CHSY3: variants seen among roughly 807,000 people sequenced by gnomAD.
CHSY3 encodes N-acetylgalactosaminyl-proteoglycan 3-beta-glucuronosyltransferase 3.
CHSY3 carries 35 observed loss-of-function variants against 67.2 expected under a neutral mutation model. That is an observed-to-expected ratio of 0.52 (90% confidence interval 0.40 to 0.69). The LOEUF (loss-of-function observed/expected upper bound fraction) is 0.69, where lower values mean the gene tolerates loss of function less well. CHSY3 is among the 30% of genes least tolerant of loss of function. The pLI, the probability that CHSY3 is intolerant of heterozygous loss-of-function variation, is 0.00. For missense variants in CHSY3, 1,069 were observed against 1,138.5 expected (o/e 0.94, Z 0.88); for synonymous variants, 474 against 434.7 (o/e 1.09, Z -1.12).
At chr5:129,966,310 C>A (rs1762466394) in intron 2 of CHSY3, among the ~76,000 whole-genome samples, 1 of 151,764 alleles carries the variant, frequency 6.6e-6, no homozygotes, top group South Asian at 2.1e-4. Flanking sequence ...GAAAATAAGG[C>A]CGCATTTTCA....
chr5:130,143,730 G>GTATA (rs1285066017), intron 2 of CHSY3, among the ~76,000 whole-genome samples: 23 of 104,522 alleles, frequency 2.2e-4, no homozygotes, highest in African/African-American at 8.2e-4. Flanking sequence ...ATGTGTGTGT[G>GTATA]TGTGTATATA....
intron 2 of CHSY3, among the ~76,000 whole-genome samples, chr5:130,110,273 A>G (rs148890108): frequency 6.6e-6 from 1 of 151,920 alleles, no homozygotes; most frequent in African/African-American, 2.4e-5. Context: ...AAATTTGACT[A>G]AAGCTTTGCC....
At chr5:130,112,717 G>A (rs183798079) in intron 2 of CHSY3, among the ~76,000 whole-genome samples, 1 of 152,218 alleles carries the variant, frequency 6.6e-6, no homozygotes, top group Admixed American at 6.5e-5. Context: ...TGATGAATCT[G>A]TGTGTAAAAT....
intron 2 of CHSY3, among the ~76,000 whole-genome samples, chr5:130,130,189 A>G (rs925370457): frequency 6.6e-6 from 1 of 152,128 alleles, no homozygotes; most frequent in Non-Finnish European, 1.5e-5. Context: ...TACTGCCAGT[A>G]AATATTCCCC....
intron 2 of CHSY3, among the ~76,000 whole-genome samples, chr5:129,992,201 G>C (rs1763389266): frequency 6.6e-6 from 1 of 152,058 alleles, no homozygotes; most frequent in African/African-American, 2.4e-5. Context: ...ATACACTTTT[G>C]CTAAGGCACA....
At chr5:130,030,764 T>C (rs1181645612) in intron 2 of CHSY3, among the ~76,000 whole-genome samples, 1 of 152,114 alleles carries the variant, frequency 6.6e-6, no homozygotes, top group Non-Finnish European at 1.5e-5. Context: ...TTTAAGAGCT[T>C]TGGGGGCTTT....
chr5:130,007,168 G>A (rs908582901), intron 2 of CHSY3, among the ~76,000 whole-genome samples: 1 of 152,132 alleles, frequency 6.6e-6, no homozygotes, highest in Admixed American at 6.5e-5. Flanking sequence ...ACTGTTCTAA[G>A]ATTCTATCCA....
intron 2 of CHSY3, among the ~76,000 whole-genome samples, chr5:129,908,912 C>T (rs530728053): frequency 5.9e-5 from 9 of 152,182 alleles, no homozygotes; most frequent in Non-Finnish European, 1.3e-4. Flanking sequence ...TCACAAAATT[C>T]CAATCACTGT....
chr5:130,167,979 A>C (rs1239447088), intron 2 of CHSY3, among the ~76,000 whole-genome samples: 1 of 152,126 alleles, frequency 6.6e-6, no homozygotes, highest in East Asian at 1.9e-4. Flanking sequence ...CTGTGACTCC[A>C]GAAAGGGAAT....
chr5:130,028,013 T>C (rs1386683665), intron 2 of CHSY3, among the ~76,000 whole-genome samples: 1 of 152,132 alleles, frequency 6.6e-6, no homozygotes, highest in Non-Finnish European at 1.5e-5. Flanking sequence ...GGTCAAATGG[T>C]ATTTCTAGTT....
In CHSY3 at chr5:129,992,423, T is replaced by C. The variant is rs138786456; in HGVS notation, c.1086+84063T>C. Reference sequence around the variant, plus strand: ...TTTTCAGTTAGGAATCATACACTACTGAATTATTGCTCTTTTTAATTACCA... The same window carrying C: ...TTTTCAGTTAGGAATCATACACTACCGAATTATTGCTCTTTTTAATTACCA... On this transcript the variant is annotated intron_variant, in intron 2 of 2. Transcript: ENST00000305031. Among the ~76,000 whole-genome samples, 624 of 152,310 alleles carry C rather than the reference T, an allele frequency of 4.1e-3. 2 individuals carry two copies. Among genetic ancestry groups the C allele is most frequent in the African/African-American group, 0.014 (568 of 41,570 alleles).
intron 1 of CHSY3, among the ~76,000 whole-genome samples, chr5:129,907,874 G>A (rs1456559488): frequency 6.6e-6 from 1 of 152,054 alleles, no homozygotes; most frequent in Non-Finnish European, 1.5e-5. Context: ...ACCAGAAGCT[G>A]GTACAATTTT....
intron 2 of CHSY3, among the ~76,000 whole-genome samples, chr5:130,127,157 G>A (rs1768320198): frequency 6.6e-6 from 1 of 152,272 alleles, no homozygotes; most frequent in Admixed American, 6.5e-5. Flanking sequence ...GGACAAAAAT[G>A]CCGTAACATG....
At chr5:130,017,593 C>T (rs1015214101) in intron 2 of CHSY3, among the ~76,000 whole-genome samples, 1 of 152,054 alleles carries the variant, frequency 6.6e-6, no homozygotes, top group Non-Finnish European at 1.5e-5. Flanking sequence ...ATTTGACAGG[C>T]TTTTAAAAAA....
chr5:129,960,302 G>A (rs1035612036), intron 2 of CHSY3, among the ~76,000 whole-genome samples: 2 of 151,962 alleles, frequency 1.3e-5, no homozygotes, highest in Non-Finnish European at 2.9e-5. Flanking sequence ...ATCTTTGAAG[G>A]TTTTTGGCCA....
At chr5:130,128,742 C>T (rs1768381519) in intron 2 of CHSY3, among the ~76,000 whole-genome samples, 1 of 151,932 alleles carries the variant, frequency 6.6e-6, no homozygotes, top group African/African-American at 2.4e-5. Flanking sequence ...TTGTATAAGT[C>T]TGTGATGGTG....
At chr5:129,946,523 T>C (rs1442651816) in intron 2 of CHSY3, among the ~76,000 whole-genome samples, 1 of 152,196 alleles carries the variant, frequency 6.6e-6, no homozygotes, top group Non-Finnish European at 1.5e-5. Flanking sequence ...CTAAAAAAAC[T>C]ATAGTTACTA....
intron 2 of CHSY3, among the ~76,000 whole-genome samples, chr5:130,090,436 C>T (rs887120923): frequency 2.0e-5 from 3 of 152,156 alleles, no homozygotes; most frequent in African/African-American, 7.2e-5. Context: ...GTCACTTCTC[C>T]AGTCCACATG....
chr5:129,935,051 C>T (rs1020083747), intron 2 of CHSY3, among the ~76,000 whole-genome samples: 26 of 152,228 alleles, frequency 1.7e-4, no homozygotes, highest in Non-Finnish European at 1.5e-5. Context: ...GGACATTTCT[C>T]GTAAAGATAA....
Sources: allele counts gnomAD v4.1 joint callset (sites outside exome capture counted in the v4.1 genomes callset), GRCh38; gene constraint gnomAD v4.1.1; transcripts MANE v1.5; gene names NCBI Gene and HGNC (gene_info 2026-07-23, HGNC 2026-07-21).